The following P4HA3 variants were observed in gnomAD, a reference collection of about 807,000 sequenced individuals.
P4HA3 encodes the protein prolyl 4-hydroxylase subunit alpha-3.
A neutral mutation model predicts 66.7 loss-of-function variants in P4HA3; 60 were observed. That is an observed-to-expected ratio of 0.90 (90% CI 0.73 to 1.12). The LOEUF (loss-of-function observed/expected upper bound fraction) is 1.12. P4HA3 is among the 50% of genes most tolerant of loss of function. The pLI is 0.00. For synonymous variants in P4HA3, 263 were observed against 274.6 expected (o/e 0.96, Z 0.42); for missense variants, 683 against 685.8 (o/e 1.00, Z 0.05).
At chr11:74,284,823 A>G (rs1860731742) in intron 7 of P4HA3, among the ~76,000 whole-genome samples, 1 of 152,096 alleles carries the variant, frequency 6.6e-6, no homozygotes, top group Admixed American at 6.6e-5. Flanking sequence ...CAGATGCCTC[A>G]GTGGCTTGTG....
At chr11:74,294,199 G>A (rs189187821) in intron 4 of P4HA3, among the ~76,000 whole-genome samples, 157 of 151,482 alleles carry the variant, frequency 1.0e-3, no homozygotes, top group Middle Eastern at 3.4e-3. Context: ...CATTCATTTC[G>A]TCTTCCATCA....
chr11:74,268,360 G>A (rs1010206903), intron 11 of P4HA3, 119 bp from the exon 12 acceptor site: 34 of 800,576 alleles, frequency 4.2e-5, no homozygotes, highest in Non-Finnish European at 6.8e-5. Flanking sequence ...CAGTCTGGGG[G>A]CAATGCATGC....
In P4HA3 at chr11:74,302,442, G is replaced by T. The variant is rs1443457125; in HGVS notation, c.494C>A (p.Ser165Tyr). Residue 165 changes from serine to tyrosine, a missense_variant, in exon 3 of 13, where the codon TCT (serine) becomes TAT (tyrosine). Transcript: ENST00000331597. Reference protein sequence around the residue: ...ARGVFQRVTGSAITDLYSPKR... With the variant: ...ARGVFQRVTGYAITDLYSPKR... Reference sequence around the variant, plus strand: ...GGGGCTGTACAGGTCAGTGATGGCAGAGCCAGTGACTCTCTGAAAGACACC... The same window carrying T: ...GGGGCTGTACAGGTCAGTGATGGCATAGCCAGTGACTCTCTGAAAGACACC... 2 of 1,614,184 alleles carry T rather than the reference G, an allele frequency of 1.2e-6. No homozygotes were observed. Among genetic ancestry groups the T allele is most frequent in the South Asian group, 2.2e-5 (2 of 91,086 alleles).
intron 5 of P4HA3, 146 bp from the exon 6 acceptor site, chr11:74,286,537 G>T (rs1231124783): frequency 4.7e-6 from 3 of 641,680 alleles, no homozygotes; most frequent in Admixed American, 3.6e-5. Context: ...ACACACAGGA[G>T]GATGCAAGGC....
rs1181952134 is a variant in P4HA3 at position 74,287,300 on chromosome 11, G to A, written c.770-909C>T. ...TAACCACAACCATCACCCTGGCAAAGGAGGAAAGGAAGGGGCAGAAATTAC... is the reference window on the plus strand; with the variant it reads ...TAACCACAACCATCACCCTGGCAAAAGAGGAAAGGAAGGGGCAGAAATTAC... On this transcript the variant is annotated intron_variant, in intron 5 of 12. Coordinates refer to ENST00000331597, the MANE Select transcript of P4HA3 (RefSeq NM_182904.5). The A allele has an allele frequency of 9.3e-6, 12 of 1,289,356 alleles. No individual in the cohort carries two copies. In the South Asian group the frequency reaches 1.2e-4, roughly 13 times the overall value. The allele number at this position is 1,289,356 out of a possible 1,614,324, so 79.9% of individuals were successfully genotyped here. A position where few individuals can be genotyped will look rare whatever the true frequency, so the allele number is the denominator to read the frequency against.
chr11:74,260,375 T>C (rs1344937219), intron 14 of P4HA3, among the ~76,000 whole-genome samples: 1 of 152,206 alleles, frequency 6.6e-6, no homozygotes, highest in African/African-American at 2.4e-5. Context: ...GTGAGCCCGC[T>C]GACAATTCCT....
At chr11:74,251,804 A>ACC (rs1859674076) in intron 15 of P4HA3, 2 of 1,525,930 alleles carry the variant, frequency 1.3e-6, no homozygotes, top group South Asian at 1.1e-5. Flanking sequence ...TCTCTGCCTT[A>ACC]CCCCTGCCTG....
intron 3 of P4HA3, among the ~76,000 whole-genome samples, chr11:74,301,926 T>C (rs919886185): frequency 5.3e-5 from 8 of 152,152 alleles, no homozygotes; most frequent in Non-Finnish European, 1.2e-4. Flanking sequence ...CACCATCTCT[T>C]ATCCTTTTCC....
intron 4 of P4HA3, 39 bp from the exon 5 acceptor site, chr11:74,289,169 CA>C: frequency 6.9e-7 from 1 of 1,458,496 alleles, no homozygotes; most frequent in South Asian, 1.3e-5. Context: ...GCATTAACTT[CA>C]CTGAGGATAT....
intron 1 of P4HA3, among the ~76,000 whole-genome samples, chr11:74,307,452 T>C (rs1397834077): frequency 6.6e-6 from 1 of 152,232 alleles, no homozygotes; most frequent in Non-Finnish European, 1.5e-5. Flanking sequence ...GGGGTTGATT[T>C]GTTTAGGTCA....
chr11:74,268,950 C>A (rs1591087707), intron 11 of P4HA3, among the ~76,000 whole-genome samples: 1 of 152,170 alleles, frequency 6.6e-6, no homozygotes, highest in Non-Finnish European at 1.5e-5. Flanking sequence ...CATTGGCAGT[C>A]TCTATGTTCC....
intron 5 of P4HA3, among the ~76,000 whole-genome samples, chr11:74,286,670 G>A (rs879442557): frequency 1.1e-4 from 16 of 152,214 alleles, no homozygotes; most frequent in Non-Finnish European, 2.2e-4. Context: ...AAGGGATCAT[G>A]AAGATGGCTG....
chr11:74,274,737 G>A (rs1465307461), intron 9 of P4HA3, among the ~76,000 whole-genome samples: 1 of 152,198 alleles, frequency 6.6e-6, no homozygotes, highest in African/African-American at 2.4e-5. Context: ...ATAAGTAGGT[G>A]AATCTTAAAC....
chr11:74,255,107 T>G (rs1270537247), intron 15 of P4HA3, among the ~76,000 whole-genome samples: 2 of 152,194 alleles, frequency 1.3e-5, no homozygotes, highest in African/African-American at 4.8e-5. Flanking sequence ...CACTTCATAT[T>G]GACTGTTTCT....
chr11:74,282,428 G>A (rs1860639628), intron 7 of P4HA3, among the ~76,000 whole-genome samples: 1 of 152,228 alleles, frequency 6.6e-6, no homozygotes, highest in Admixed American at 6.5e-5. Flanking sequence ...GGGACAGGGA[G>A]TCTTTCCAGG....
intron 1 of P4HA3, among the ~76,000 whole-genome samples, chr11:74,310,112 T>A (rs533503056): frequency 1.3e-5 from 2 of 152,326 alleles, no homozygotes; most frequent in East Asian, 3.9e-4. Context: ...ATGATATAAG[T>A]ACAATATTAA....
chr11:74,306,284 G>A (rs546915692), intron 1 of P4HA3, among the ~76,000 whole-genome samples: 5 of 152,314 alleles, frequency 3.3e-5, no homozygotes, highest in African/African-American at 1.2e-4. Context: ...CATCTTTCCA[G>A]TTAATTTCCC....
chr11:74,267,572 C>T (rs1054315439), intron 12 of P4HA3, among the ~76,000 whole-genome samples: 5 of 152,184 alleles, frequency 3.3e-5, no homozygotes, highest in Non-Finnish European at 5.9e-5. Flanking sequence ...CATTTTCAAA[C>T]GTTTGGGAAC....
chr11:74,269,680 T>G lies in P4HA3; in HGVS notation c.1439A>C (p.Tyr480Ser). ...AACCACAGGCACGCTGAGGTTGGCA[T>G]AGATGAAGGCTGTGGCTCCTCCAGC... Reference protein sequence around the residue: ...VEAGGATAFIYANLSVPVVRN... With the variant: ...VEAGGATAFISANLSVPVVRN... The change falls in exon 11 of 13, where the codon TAT (tyrosine) becomes TCT (serine). Residue 480 changes from tyrosine (Y) to serine (S), a missense_variant. Coordinates refer to ENST00000331597, the MANE Select transcript of P4HA3 (RefSeq NM_182904.5). The G allele has an allele frequency of 6.2e-7, 1 of 1,613,978 alleles. No individual in the cohort carries two copies. Among genetic ancestry groups the G allele is most frequent in the East Asian group, 2.2e-5 (1 of 44,872 alleles).
Sources: gnomAD v4.1 joint callset for allele counts (sites outside exome capture counted in the v4.1 genomes callset) on GRCh38, gnomAD v4.1.1 for gene constraint, MANE v1.5 for transcripts, NCBI Gene and HGNC (gene_info 2026-07-23, HGNC 2026-07-21) for gene names.